Variants in CBR4 observed in about 807,000 individuals in gnomAD.
CBR4 encodes 3-oxoacyl-[acyl-carrier-protein] reductase.
Under a neutral mutation model 21.0 loss-of-function variants are expected in CBR4, and 22 were observed. That is an observed-to-expected ratio of 1.05 (90% CI 0.75 to 1.50). The LOEUF is 1.50. Ranked by LOEUF, CBR4 falls within the 40% of genes most tolerant of loss-of-function variation. CBR4 has a pLI of 0.00. For synonymous variants in CBR4, 100 were observed against 104.4 expected (o/e 0.96, Z 0.26); for missense variants, 302 against 286.3 (o/e 1.05, Z -0.40).
intron 2 of CBR4, among the ~76,000 whole-genome samples, chr4:168,973,994 A>G (rs1210547546): frequency 2.0e-5 from 3 of 151,818 alleles, no homozygotes; most frequent in African/African-American, 7.3e-5. Flanking sequence ...GCTTTTTTTC[A>G]TTGTGTTATT....
intron 2 of CBR4, among the ~76,000 whole-genome samples, chr4:168,935,479 C>T (rs1212597971): frequency 6.6e-6 from 1 of 152,064 alleles, no homozygotes; most frequent in Non-Finnish European, 1.5e-5. Flanking sequence ...TGGATCTGAC[C>T]CCCTATGGAG....
intron 2 of CBR4, among the ~76,000 whole-genome samples, chr4:168,977,817 C>T (rs1764417612): frequency 6.6e-6 from 1 of 152,216 alleles, no homozygotes; most frequent in Non-Finnish European, 1.5e-5. Context: ...AAACACATTT[C>T]CTAGATTCAG....
At chr4:168,913,850 T>A in intron 2 of CBR4, 1 of 946,950 alleles carries the variant, frequency 1.1e-6, no homozygotes, top group East Asian at 2.4e-5. Flanking sequence ...TTATAGAGAA[T>A]AGGACAGTAG....
intron 4 of CBR4, among the ~76,000 whole-genome samples, chr4:169,000,556 G>T (rs1018989638): frequency 1.3e-5 from 2 of 152,124 alleles, no homozygotes; most frequent in Non-Finnish European, 2.9e-5. Context: ...AGGTAGCAAA[G>T]GTCTACTTCA....
intron 2 of CBR4, chr4:168,926,214 C>G: frequency 6.6e-7 from 1 of 1,526,708 alleles, no homozygotes; most frequent in East Asian, 2.5e-5. Context: ...TCTTTGTAGC[C>G]CAGTGGCATC....
At chr4:169,001,343 A>G (rs184656425) in intron 4 of CBR4, 1 of 152,258 alleles carries the variant, frequency 6.6e-6, no homozygotes, top group Non-Finnish European at 1.5e-5. Flanking sequence ...TCCATAAACT[A>G]GCTGTGTAAC....
chr4:168,965,859 G>C (rs889742314), intron 2 of CBR4, among the ~76,000 whole-genome samples: 50 of 152,024 alleles, frequency 3.3e-4, no homozygotes, highest in Admixed American at 1.2e-3. Context: ...TTCATGACTG[G>C]AACACCAAAA....
chr4:168,979,746 C>T (rs1764485184), intron 2 of CBR4, among the ~76,000 whole-genome samples: 1 of 152,176 alleles, frequency 6.6e-6, no homozygotes, highest in South Asian at 2.1e-4. Context: ...AGCTGCCCCA[C>T]CCCCAGCTGA....
At chr4:168,993,337 A>T (rs190472307) in intron 4 of CBR4, among the ~76,000 whole-genome samples, 2 of 150,986 alleles carry the variant, frequency 1.3e-5, no homozygotes, top group East Asian at 3.9e-4. Context: ...CAGGCTCCCC[A>T]GTAGCTGGGA....
rs370994860 is a variant in CBR4, at chr4:168,906,769, C to T, written n.170-12004G>A. On this transcript the variant is annotated intron_variant and non_coding_transcript_variant, in intron 2 of 3. Transcript: ENST00000509108. Reference sequence around the variant, plus strand: ...CCTCCCAAAGCACTGGAATTACAAGCGTGAGCCACTGCCATTAGCCAAAAA... The same window carrying T: ...CCTCCCAAAGCACTGGAATTACAAGTGTGAGCCACTGCCATTAGCCAAAAA... Among the ~76,000 whole-genome samples, 11 of 152,102 alleles carry T rather than the reference C, an allele frequency of 7.2e-5. No homozygotes were observed. The East Asian group carries it at 1.2e-3, about 16-fold the overall frequency.
At chr4:168,895,393 A>G (rs994054549) in intron 2 of CBR4, among the ~76,000 whole-genome samples, 1 of 152,188 alleles carries the variant, frequency 6.6e-6, no homozygotes, top group African/African-American at 2.4e-5. Context: ...AAACAAAACA[A>G]AACTAAAAAC....
downstream of CBR4, among the ~76,000 whole-genome samples, chr4:168,985,823 T>C (rs1360857097): frequency 6.6e-6 from 1 of 152,278 alleles, no homozygotes; most frequent in Non-Finnish European, 1.5e-5. Flanking sequence ...TGTTCCTGCA[T>C]TAATTCATTT....
intron 4 of CBR4, among the ~76,000 whole-genome samples, chr4:169,000,751 C>T (rs926949567): frequency 6.6e-5 from 10 of 152,142 alleles, no homozygotes; most frequent in African/African-American, 2.4e-4. Flanking sequence ...TCTAGCACAC[C>T]AGCTAATTAG....
intron 4 of CBR4, among the ~76,000 whole-genome samples, chr4:169,000,307 A>G (rs1217227269): frequency 6.6e-6 from 1 of 152,060 alleles, no homozygotes; most frequent in Non-Finnish European, 1.5e-5. Context: ...CAGCAAATAG[A>G]TGTATCTGAA....
chr4:168,913,064 G>A (rs1024092851), intron 2 of CBR4, among the ~76,000 whole-genome samples: 4 of 151,468 alleles, frequency 2.6e-5, no homozygotes, highest in Admixed American at 6.6e-5. Flanking sequence ...ATCATCCCAC[G>A]CATACTTCTT....
At chr4:168,973,821 T>A (rs1352665259) in intron 2 of CBR4, among the ~76,000 whole-genome samples, 3 of 152,232 alleles carry the variant, frequency 2.0e-5, no homozygotes, top group African/African-American at 7.2e-5. Flanking sequence ...GGTTTTCTAG[T>A]TTGTGTGCAT....
intron 2 of CBR4, 100 bp from the exon 3 acceptor site, chr4:169,006,991 T>C: frequency 1.1e-6 from 1 of 909,220 alleles, no homozygotes; most frequent in Admixed American, 2.0e-5. Flanking sequence ...AAGAAGTGCT[T>C]CCTATCTGAG....
chr4:168,930,593 GAACA>G (rs1343526473), intron 2 of CBR4, among the ~76,000 whole-genome samples: 1 of 152,104 alleles, frequency 6.6e-6, no homozygotes, highest in Non-Finnish European at 1.5e-5. Context: ...ATCAACAAAT[GAACA>G]AACAGTTAAC....
At chr4:168,980,590 G>T (rs1490380083) in intron 2 of CBR4, among the ~76,000 whole-genome samples, 1 of 151,592 alleles carries the variant, frequency 6.6e-6, no homozygotes, top group Non-Finnish European at 1.5e-5. Context: ...GCAAAAATTA[G>T]CCAGGTGTGG....
Sources: allele counts gnomAD v4.1 joint callset (sites outside exome capture counted in the v4.1 genomes callset), GRCh38; gene constraint gnomAD v4.1.1; transcripts MANE v1.5; gene names NCBI Gene and HGNC (gene_info 2026-07-23, HGNC 2026-07-21).